The following SGK1 variants were observed in gnomAD, a reference collection of about 807,000 sequenced individuals.
SGK1 encodes the protein serum/glucocorticoid regulated kinase 1.
Under a neutral mutation model 64.2 loss-of-function variants are expected in SGK1, and 26 were observed. That is an observed-to-expected ratio of 0.40 (90% CI 0.30 to 0.56). SGK1 has a LOEUF of 0.56. Among genes scored for constraint, SGK1 ranks in the 20% least tolerant of loss-of-function variants. SGK1 has a pLI of 0.38. For missense variants in SGK1, 519 were observed against 645.6 expected, an observed-to-expected ratio of 0.80 and a Z score of 2.12; for synonymous variants, 265 against 239.7, an observed-to-expected ratio of 1.11 and a Z score of -0.98.
chr6:134,254,092 TCC>T (rs1485685289), intron 2 of SGK1, among the ~76,000 whole-genome samples: 1 of 143,824 alleles, frequency 7.0e-6, no homozygotes, highest in Non-Finnish European at 1.5e-5. Context: ...TCCTAGTCTC[TCC>T]TTTTCTGTCC....
At chr6:134,220,083 A>AAAAAAAAAAG (rs1776064991) in intron 2 of SGK1, among the ~76,000 whole-genome samples, 2 of 131,656 alleles carry the variant, frequency 1.5e-5, no homozygotes, top group Non-Finnish European at 3.2e-5. Flanking sequence ...AAAAAAAAAA[A>AAAAAAAAAAG]AAAAGAAAAG....
intron 1 of SGK1, among the ~76,000 whole-genome samples, chr6:134,272,414 A>G (rs754135324): frequency 1.4e-5 from 2 of 144,210 alleles, no homozygotes; most frequent in Non-Finnish European, 3.0e-5. Context: ...TTGGCCTCCC[A>G]GAGTGCTGGG....
rs10686058 is a variant in SGK1, at chr6:134,241,048, C to CTTTTTTTT, written c.285+20877_285+20884dup. On this transcript the variant is annotated intron_variant, in intron 2 of 13. Transcript: ENST00000367858. ...CTGAAGATGTTTCTTTTCTTTTTTT[C>CTTTTTTTT]TTTTTTTTTTTTTTTTTTTGAGACA... Among the ~76,000 whole-genome samples, 32 of 74,082 alleles carry CTTTTTTTT rather than the reference C, an allele frequency of 4.3e-4. 1 individual carries two copies. The highest frequency in any genetic ancestry group is 7.2e-4 in the African/African-American group (21 of 28,990). 48.6% of individuals were successfully genotyped at this position (74,082 alleles called of 152,430 possible).
chr6:134,288,802 G>C (rs534992510), intron 1 of SGK1, among the ~76,000 whole-genome samples: 3 of 152,084 alleles, frequency 2.0e-5, no homozygotes, highest in Middle Eastern at 6.8e-3. Context: ...CCCTGGTCTT[G>C]ATCTCATCAT....
intron 1 of SGK1, among the ~76,000 whole-genome samples, chr6:134,278,490 C>T (rs1271823511): frequency 2.0e-5 from 3 of 152,134 alleles, no homozygotes; most frequent in African/African-American, 7.2e-5. Flanking sequence ...ACTGCTTGTT[C>T]GTTGAGTCCT....
intron 2 of SGK1, among the ~76,000 whole-genome samples, chr6:134,226,633 G>T (rs1776184984): frequency 6.6e-6 from 1 of 151,646 alleles, no homozygotes; most frequent in East Asian, 1.9e-4. Flanking sequence ...AGTTGAGGCT[G>T]CAGTGAGCCA....
chr6:134,285,319 A>C (rs1158754798), intron 1 of SGK1, among the ~76,000 whole-genome samples: 1 of 152,108 alleles, frequency 6.6e-6, no homozygotes, highest in Non-Finnish European at 1.5e-5. Context: ...TTTACTAAAA[A>C]TACAAAAAAT....
chr6:134,194,200 C>A (rs971179445), intron 3 of SGK1, among the ~76,000 whole-genome samples: 1 of 151,150 alleles, frequency 6.6e-6, no homozygotes, highest in African/African-American at 2.4e-5. Context: ...AATGTTATAA[C>A]GACATGCTAT....
At chr6:134,232,500 G>GAA (rs1776306250) in intron 2 of SGK1, among the ~76,000 whole-genome samples, 1 of 124,670 alleles carries the variant, frequency 8.0e-6, no homozygotes, top group Non-Finnish European at 1.7e-5. Flanking sequence ...AAAAAGAAAA[G>GAA]AAAGAAGAGG....
intron 2 of SGK1, among the ~76,000 whole-genome samples, chr6:134,222,434 C>T (rs935936957): frequency 6.6e-6 from 1 of 151,530 alleles, no homozygotes; most frequent in Non-Finnish European, 1.5e-5. Flanking sequence ...CTCCCAGGTT[C>T]AAGCAATTCT....
chr6:134,291,712 T>C (rs1341657483), intron 1 of SGK1, among the ~76,000 whole-genome samples: 1 of 152,228 alleles, frequency 6.6e-6, no homozygotes, highest in Non-Finnish European at 1.5e-5. Context: ...TTCTATTTTA[T>C]GGGATGAACT....
At chr6:134,193,891 A>G (rs917738397) in intron 3 of SGK1, among the ~76,000 whole-genome samples, 5 of 122,690 alleles carry the variant, frequency 4.1e-5, no homozygotes, top group Admixed American at 8.5e-5. Context: ...TATTTACCCA[A>G]TGATTCCACT....
Position 134,207,231 on chromosome 6 carries a change from A to G in SGK1, c.361+125T>C, listed in dbSNP as rs527518921. The stretch of plus-strand genomic sequence containing the variant: ...ACAGAGCAAGACTCTGTCTCAAGAA[A>G]AACAAAAAACAAAAAACAAACAAAC... On this transcript the variant is annotated intron_variant, in intron 3 of 13. Transcript: ENST00000367858. 93 of 668,338 alleles carry G rather than the reference A, an allele frequency of 1.4e-4. No individual in the cohort carries two copies. The African/African-American group carries it at 1.6e-3, about 11-fold the overall frequency. 41.4% of individuals were successfully genotyped at this position (668,338 alleles called of 1,614,324 possible).
At chr6:134,298,752 G>A in intron 1 of SGK1, 1 of 484,132 alleles carries the variant, frequency 2.1e-6, no homozygotes, top group Non-Finnish European at 3.6e-6. Flanking sequence ...TCCAGAAGGA[G>A]TGAAGAAGCT....
intron 3 of SGK1, chr6:134,174,860 A>T (rs1280126488): frequency 1.2e-5 from 20 of 1,611,788 alleles, no homozygotes; most frequent in Non-Finnish European, 1.5e-5. Flanking sequence ...GGCTCGGCGT[A>T]TGCTGCGCCA....
chr6:134,184,504 C>CAAA (rs1162404618), intron 3 of SGK1, among the ~76,000 whole-genome samples: 6 of 63,560 alleles, frequency 9.4e-5, no homozygotes, highest in African/African-American at 2.5e-4. Flanking sequence ...GACTCCATCT[C>CAAA]AAAAAAAAAA....
intron 3 of SGK1, among the ~76,000 whole-genome samples, chr6:134,205,821 G>A (rs368221053): frequency 2.6e-5 from 4 of 152,178 alleles, no homozygotes; most frequent in East Asian, 1.9e-4. Flanking sequence ...AGATATCAGC[G>A]TGAGTTTTCT....
chr6:134,232,127 G>A (rs867305376), intron 2 of SGK1, among the ~76,000 whole-genome samples: 13 of 151,154 alleles, frequency 8.6e-5, no homozygotes, highest in Middle Eastern at 3.4e-3. Context: ...GGTGGCTCAC[G>A]CCTATAATCC....
chr6:134,286,477 TA>T (rs1190304260), intron 1 of SGK1, among the ~76,000 whole-genome samples: 160 of 145,834 alleles, frequency 1.1e-3, no homozygotes, highest in East Asian at 7.0e-3. Context: ...CAAAATACAA[TA>T]TTTTTTTTTT....
Sources: allele counts gnomAD v4.1 joint callset (sites outside exome capture counted in the v4.1 genomes callset), GRCh38; gene constraint gnomAD v4.1.1; transcripts MANE v1.5; gene names NCBI Gene and HGNC (gene_info 2026-07-23, HGNC 2026-07-21).